The following GFY variants were observed in gnomAD, a reference collection of about 807,000 sequenced individuals.
GFY encodes golgi associated olfactory signaling regulator.
In GFY, 28 loss-of-function variants were observed where a neutral mutation model predicts 29.1. The observed-to-expected ratio is 0.96, with a 90% CI of 0.71 to 1.32. The LOEUF is 1.32. Among genes scored for constraint, GFY ranks in the 40% most tolerant of loss-of-function variants. The pLI is 0.00. For missense variants in GFY, 656 were observed against 661.9 expected (o/e 0.99, Z 0.10); for synonymous variants, 277 against 274.5 (o/e 1.01, Z -0.09).
chr19:49,426,309 G>C, intron 1 of GFY, 101 bp from the exon 2 acceptor site: 2 of 1,434,628 alleles, frequency 1.4e-6, no homozygotes, highest in Non-Finnish European at 1.8e-6. Flanking sequence ...GCCCCGGACA[G>C]ACGTGGTCCA....
rs1346546646 is a variant in GFY, at chr19:49,428,118, G to C, written c.1356G>C (p.Pro452=). 3 of 1,530,796 alleles carry C rather than the reference G, an allele frequency of 2.0e-6. No individual in the cohort carries two copies. Among genetic ancestry groups the C allele is most frequent in the Admixed American group, 3.9e-5 (2 of 50,924 alleles). The allele number at this position is 1,530,796 out of a possible 1,614,324, so 94.8% of individuals were successfully genotyped here. Reference sequence around the variant, plus strand: ...GGCTTCCGGACGACGGAGATGAACCGGGTGAGCGCCCTGCCCCTTGAATGC... The same window carrying C: ...GGCTTCCGGACGACGGAGATGAACCCGGTGAGCGCCCTGCCCCTTGAATGC... ...HHRLPDDGDE[P]VLHLDAPKDP... Residue 452 remains proline, a splice_region_variant and synonymous_variant, in exon 3 of 4, where the codon CCG becomes CCC. Coordinates refer to ENST00000610896, the MANE Select transcript of GFY (RefSeq NM_001195256.2).
rs148722134 is a variant in GFY, at chr19:49,426,943, T to C, written c.513T>C (p.Thr171=). 1.3e-6 allele frequency: 2 copies of C among 1,535,334 alleles called. No homozygotes were observed. Among genetic ancestry groups the C allele is most frequent in the Non-Finnish European group, 1.7e-6 (2 of 1,146,734 alleles). Residue 171 remains threonine, a synonymous_variant, in exon 2 of 4, where the codon ACT becomes ACC. Transcript: ENST00000610896. ...CAGAATTTCCTGAGACCCCAAACAC[T>C]GACCTTATGCAAACTACACCCCAAG... The part of the protein sequence containing the change: ...SRPEFPETPN[T]DLMQTTPQES...
At position 49,427,984 on chromosome 19, in the gene GFY, G is replaced by A. The variant is rs778327967; in HGVS notation, c.1222G>A (p.Gly408Arg). 1.3e-6 allele frequency: 2 copies of A among 1,535,656 alleles called. No homozygotes were observed. The highest frequency in any genetic ancestry group is 2.4e-5 in the South Asian group (2 of 84,054). ...GGGGCGACCACGTGGCGCAGCAGGC[G>A]GGGCCCTCTGCCTGTTCTTCGCGGG... is the stretch of plus-strand genomic sequence containing the variant. Reference protein sequence around the residue: ...LVGRPRGAAGGALCLFFAGTA... With the variant: ...LVGRPRGAAGRALCLFFAGTA... Residue 408 changes from glycine to arginine, a missense_variant, in exon 3 of 4, where the codon GGG (glycine) becomes AGG (arginine). Gly to Arg is a moderately radical substitution (Grantham distance 125, BLOSUM62 -2). Transcript: ENST00000610896.
chr19:49,426,446 C>G lies in GFY; in HGVS notation c.16C>G (p.Arg6Gly). The change falls in exon 2 of 4, where the codon CGG becomes GGG. Residue 6 changes from arginine to glycine, a missense_variant. By Grantham distance (125) the Arg-to-Gly change is moderately radical. Coordinates refer to ENST00000610896, the MANE Select transcript of GFY (RefSeq NM_001195256.2). MKSFS[R>G]ILFLVFLLAG... is the part of the protein sequence containing the mutation. Reference sequence around the variant, plus strand: ...TGCCAGAGCTATGAAATCATTCAGCCGGATCCTCTTCCTCGTCTTCCTCCT... The same window carrying G: ...TGCCAGAGCTATGAAATCATTCAGCGGGATCCTCTTCCTCGTCTTCCTCCT... 6.5e-7 allele frequency: 1 copy of G among 1,535,088 alleles called. No individual in the cohort carries two copies. The highest frequency in any genetic ancestry group is 8.7e-7 in the Non-Finnish European group (1 of 1,146,252).
In GFY at chr19:49,428,532, C is replaced by T. The variant is rs575858215; in HGVS notation, c.1358-87C>T. The T allele has an allele frequency of 3.6e-5, 37 of 1,023,172 alleles. No homozygotes were observed. In the African/African-American group the frequency reaches 6.1e-4, roughly 17 times the overall value. 63.4% of individuals were successfully genotyped at this position (1,023,172 alleles called of 1,614,324 possible). On this transcript the variant is annotated intron_variant, in intron 3 of 3. Transcript: ENST00000610896. ...TCCTCTCTCCGGCCTCCTGATCGGT[C>T]GGCCGCACAAAAGCGGCCCTGGAGA...
chr19:49,424,246 GTGTT>G (rs1975049944), upstream of GFY, among the ~76,000 whole-genome samples: 1 of 152,036 alleles, frequency 6.6e-6, no homozygotes, highest in South Asian at 2.1e-4. Flanking sequence ...TTGTGTGTGT[GTGTT>G]TGTCTGTTTG....
In GFY at chr19:49,427,570, G is replaced by A. The variant is rs1408911430; in HGVS notation, c.1140G>A (p.Glu380=). The change falls in exon 2 of 4, where the codon GAG becomes GAA. Residue 380 remains glutamate, a synonymous_variant. Coordinates refer to ENST00000610896, the MANE Select transcript of GFY (RefSeq NM_001195256.2). ...CACCCCAGAGGCACAGCCGAGGTGA[G>A]GGAGTCAACACCATCATCGTGGTGG... is the stretch of plus-strand genomic sequence containing the variant. ...LRAPQRHSRG[E]GVNTIIVVER... is the part of the protein sequence containing the mutation. The A allele has an allele frequency of 6.7e-7, 1 of 1,495,330 alleles. No homozygotes were observed. Among genetic ancestry groups the A allele is most frequent in the Non-Finnish European group, 8.9e-7 (1 of 1,129,552 alleles). 92.6% of individuals were successfully genotyped at this position (1,495,330 alleles called of 1,614,324 possible).
At position 49,427,317 on chromosome 19, in the gene GFY, C is replaced by G. The variant is rs1975086525; in HGVS notation, c.887C>G (p.Ala296Gly). The change falls in exon 2 of 4, where the codon GCC (alanine) becomes GGC (glycine). Residue 296 changes from alanine to glycine, a missense_variant. Coordinates refer to ENST00000610896, the MANE Select transcript of GFY (RefSeq NM_001195256.2). Reference protein sequence around the residue: ...PETPVPFKDDATALNELSLNP... With the variant: ...PETPVPFKDDGTALNELSLNP... ...ACACCTGTGCCCTTCAAGGATGACG[C>G]CACTGCTCTAAATGAGCTGTCCCTG... 3.9e-6 allele frequency: 6 copies of G among 1,536,236 alleles called. No homozygotes were observed. The highest frequency in any genetic ancestry group is 3.5e-6 in the Non-Finnish European group (4 of 1,146,918).
upstream of GFY, chr19:49,423,755 A>C (rs551218922): frequency 1.8e-4 from 34 of 190,296 alleles, no homozygotes; most frequent in South Asian, 5.1e-3. Context: ...TCAGAGGAAC[A>C]GAGACACAAA....
Position 49,427,152 on chromosome 19 carries a change from C to T in GFY, c.722C>T (p.Pro241Leu). 6.5e-7 allele frequency: 1 copy of T among 1,535,986 alleles called. No individual in the cohort carries two copies. The highest frequency in any genetic ancestry group is 2.4e-5 in the East Asian group (1 of 40,916). The change falls in exon 2 of 4, where the codon CCC becomes CTC. Residue 241 changes from proline (P) to leucine (L), a missense_variant. Pro to Leu is a moderately conservative substitution (Grantham distance 98). Coordinates refer to ENST00000610896, the MANE Select transcript of GFY (RefSeq NM_001195256.2). ...CTCCATCCTGACCCTTCTAAAACCCCCCACCCAGAATCCCATGTGACCCAC... is the reference window on the plus strand; with the variant it reads ...CTCCATCCTGACCCTTCTAAAACCCTCCACCCAGAATCCCATGTGACCCAC... ...QALHPDPSKT[P>L]HPESHVTHNP...
At chr19:49,424,434 G>A (rs1218410803), upstream of GFY, among the ~76,000 whole-genome samples, 1 of 152,096 alleles carries the variant, frequency 6.6e-6, no homozygotes, top group African/African-American at 2.4e-5. Flanking sequence ...GTAGAGATAG[G>A]GTTTCGCCAA....
At chr19:49,427,856 G>C in intron 2 of GFY, 90 bp from the exon 3 acceptor site, 1 of 1,424,934 alleles carries the variant, frequency 7.0e-7, no homozygotes, top group Non-Finnish European at 9.4e-7. Context: ...AGGAATTCCT[G>C]GATCTGAGGG....
chr19:49,428,650 C>A lies in GFY; in HGVS notation c.1389C>A (p.Tyr463Ter), dbSNP rs1214341804. 6.6e-7 allele frequency: 1 copy of A among 1,521,364 alleles called. No individual in the cohort carries two copies. The highest frequency in any genetic ancestry group is 8.8e-7 in the Non-Finnish European group (1 of 1,138,756). The allele number at this position is 1,521,364 out of a possible 1,614,324, so 94.2% of individuals were successfully genotyped here. ...ATTTGGACGCCCCGAAAGACCCCTA[C>A]GACCTCTACTTTTATGCTCCGGATA... The part of the protein sequence containing the change: ...VLHLDAPKDP[Y>*]DLYFYAPDTW... Residue 463 changes from tyrosine (Y) to a stop codon, truncating the protein, a stop_gained, in exon 4 of 4, where the codon TAC (tyrosine) becomes TAA (stop). Coordinates refer to ENST00000610896, the MANE Select transcript of GFY (RefSeq NM_001195256.2). LOFTEE classifies it high-confidence loss of function.
intron 2 of GFY, 64 bp downstream of exon 2, chr19:49,427,677 C>G: frequency 7.9e-7 from 1 of 1,261,412 alleles, no homozygotes; most frequent in Non-Finnish European, 1.0e-6. Flanking sequence ...CTCCTGGGTC[C>G]GAGGGAGGAG....
chr19:49,425,750 A>G (rs1384827609), intron 1 of GFY, among the ~76,000 whole-genome samples: 3 of 152,120 alleles, frequency 2.0e-5, no homozygotes, highest in Non-Finnish European at 2.9e-5. Context: ...CTAACTCAGG[A>G]ACCAAGAGCT....
chr19:49,424,918 T>C (rs1024795891), upstream of GFY, among the ~76,000 whole-genome samples: 10 of 151,932 alleles, frequency 6.6e-5, no homozygotes, highest in Non-Finnish European at 1.0e-4. Context: ...TACAGAGCAG[T>C]AGAAACTTGG....
chr19:49,424,053 G>C (rs1243229990), upstream of GFY: 5 of 152,416 alleles, frequency 3.3e-5, no homozygotes, highest in Non-Finnish European at 7.3e-5. Flanking sequence ...CAAAGGGTAC[G>C]TGTGGCAGGG....
chr19:49,427,120 C>G lies in GFY; in HGVS notation c.690C>G (p.Leu230=). 1 of 1,535,848 alleles carries G rather than the reference C, an allele frequency of 6.5e-7. No individual in the cohort carries two copies. The highest frequency in any genetic ancestry group is 8.7e-7 in the Non-Finnish European group (1 of 1,146,854). ...CTGAGACCCCAAACTCTGAATTTCT[C>G]CAAGCTCTCCATCCTGACCCTTCTA... ...NSTETPNSEF[L]QALHPDPSKT... Residue 230 remains leucine, a synonymous_variant, in exon 2 of 4, where the codon CTC becomes CTG. Transcript: ENST00000610896.
chr19:49,427,459 C>A lies in GFY; in HGVS notation c.1029C>A (p.Ser343=). 6.5e-7 allele frequency: 1 copy of A among 1,535,656 alleles called. No individual in the cohort carries two copies. The highest frequency in any genetic ancestry group is 2.0e-5 in the Admixed American group (1 of 50,986). ...CCCAGAACTCTGGCCCTAAGGAGTC[C>A]AACGTCCCTCCTCCCTCAGCCCGGA... ...KAPQNSGPKE[S]NVPPPSARIA... The change falls in exon 2 of 4, where the codon TCC becomes TCA. Residue 343 remains serine (S), a synonymous_variant. Coordinates refer to ENST00000610896, the MANE Select transcript of GFY (RefSeq NM_001195256.2).
Sources: allele counts gnomAD v4.1 joint callset (sites outside exome capture counted in the v4.1 genomes callset), GRCh38; gene constraint gnomAD v4.1.1; transcripts MANE v1.5; gene names NCBI Gene and HGNC (gene_info 2026-07-23, HGNC 2026-07-21).